POLR3GL: variants seen among roughly 807,000 people sequenced by gnomAD.
The protein encoded by POLR3GL is RNA polymerase III subunit GL.
In POLR3GL, 26 loss-of-function variants were observed where a neutral mutation model predicts 32.4. That is an observed-to-expected ratio of 0.80 (90% CI 0.59 to 1.11). POLR3GL has a LOEUF of 1.11. POLR3GL is among the 50% of genes most tolerant of loss of function. POLR3GL has a pLI of 0.00. For synonymous variants in POLR3GL, 95 were observed against 98.7 expected, an observed-to-expected ratio of 0.96 and a Z score of 0.22; for missense variants, 229 against 280.1, an observed-to-expected ratio of 0.82 and a Z score of 1.30.
intron 2 of POLR3GL, 62 bp from the exon 3 acceptor site, chr1:145,975,245 G>C (rs782063724): frequency 2.3e-4 from 365 of 1,580,720 alleles, no homozygotes; most frequent in Non-Finnish European, 3.0e-4. Context: ...TGGGAGGAGG[G>C]GTCTTCCTAA....
In POLR3GL at chr1:145,974,818, T is replaced by A; in HGVS notation, c.-41-7T>A. 1 of 1,458,680 alleles carries A rather than the reference T, an allele frequency of 6.9e-7. No individual in the cohort carries two copies. The allele number at this position is 1,458,680 out of a possible 1,614,324, so 90.4% of individuals were successfully genotyped here. A position where few individuals can be genotyped will look rare whatever the true frequency, so the allele number is the denominator to read the frequency against. The stretch of plus-strand genomic sequence containing the variant: ...TTTCTTTTTCTCTTTGTTTTTGTCT[T>A]TATTAGGTTTATTCACTGGATCTCT... On this transcript the variant is annotated splice_region_variant and splice_polypyrimidine_tract_variant and intron_variant, in intron 1 of 7. Coordinates refer to ENST00000369314, the MANE Select transcript of POLR3GL (RefSeq NM_032305.3).
At chr1:145,965,703 CTT>C (rs1356241684) in intron 1 of POLR3GL, among the ~76,000 whole-genome samples, 1 of 152,192 alleles carries the variant, frequency 6.6e-6, no homozygotes, top group Non-Finnish European at 1.5e-5. Flanking sequence ...AGGGAACTCT[CTT>C]ATCTCTCTTG....
chr1:145,976,497 A>C (rs1650559313), intron 3 of POLR3GL, among the ~76,000 whole-genome samples: 1 of 151,830 alleles, frequency 6.6e-6, no homozygotes, highest in African/African-American at 2.4e-5. Context: ...GAATTGCTTG[A>C]ACTTGGGAGG....
chr1:145,968,114 A>G (rs2101928800), intron 1 of POLR3GL, among the ~76,000 whole-genome samples: 1 of 152,312 alleles, frequency 6.6e-6, no homozygotes, highest in South Asian at 2.1e-4. Flanking sequence ...ATTGGGAATG[A>G]GCATAGTGTA....
At chr1:145,971,759 G>A (rs1650309122) in intron 1 of POLR3GL, among the ~76,000 whole-genome samples, 1 of 151,570 alleles carries the variant, frequency 6.6e-6, no homozygotes, top group African/African-American at 2.4e-5. Flanking sequence ...GAGATCAGGA[G>A]TTCAAGACCA....
chr1:145,971,656 C>A (rs781970766), intron 1 of POLR3GL, among the ~76,000 whole-genome samples: 1 of 151,966 alleles, frequency 6.6e-6, no homozygotes, highest in Admixed American at 6.6e-5. Flanking sequence ...TAAAGATATT[C>A]CTCCTGATTT....
chr1:145,968,753 A>G (rs1476044310), intron 1 of POLR3GL, among the ~76,000 whole-genome samples: 2 of 151,690 alleles, frequency 1.3e-5, no homozygotes, highest in East Asian at 1.9e-4. Context: ...TTGTATTTTT[A>G]GTAGAGACGG....
At position 145,977,503 on chromosome 1, in the gene POLR3GL, G is replaced by T; in HGVS notation, c.346G>T (p.Glu116Ter). Residue 116 changes from glutamate (E) to a stop codon, truncating the protein, a stop_gained, in exon 5 of 8, where the codon GAG (glutamate) becomes TAG (stop). Transcript: ENST00000369314. LOFTEE classifies it high-confidence loss of function. ...CCCAGATTGGCGGCGTCTACCCCGG[G>T]AGCTAAAGATCCGAGTGCGGAAGCT... ...WNPDWRRLPR[E>*]LKIRVRKLQK... The T allele has an allele frequency of 6.2e-7, 1 of 1,614,118 alleles. No homozygotes were observed. Among genetic ancestry groups the T allele is most frequent in the Non-Finnish European group, 8.5e-7 (1 of 1,180,010 alleles).
chr1:145,975,080 A>G (rs1373013890), intron 2 of POLR3GL, 89 bp downstream of exon 2: 27 of 1,457,456 alleles, frequency 1.9e-5, no homozygotes, highest in Non-Finnish European at 2.4e-5. Flanking sequence ...TCATAAAACC[A>G]TCCTCGCTTT....
chr1:145,966,071 G>T (rs1460138937), intron 1 of POLR3GL, among the ~76,000 whole-genome samples: 3 of 127,756 alleles, frequency 2.3e-5, no homozygotes, highest in South Asian at 5.0e-4. Context: ...AGCTCAGATC[G>T]CACCATTGCA....
chr1:145,977,376 C>A, intron 4 of POLR3GL, 107 bp from the exon 5 acceptor site: 2 of 1,163,322 alleles, frequency 1.7e-6, no homozygotes, highest in East Asian at 2.4e-5. Context: ...TGGCCCAGCC[C>A]CTTCCTTCCT....
intron 3 of POLR3GL, 31 bp from the exon 4 acceptor site, chr1:145,977,053 G>A (rs1553763503): frequency 1.3e-6 from 2 of 1,580,092 alleles, no homozygotes; most frequent in South Asian, 1.1e-5. Flanking sequence ...GGTCTCTGAA[G>A]GGATAAAACT....
In POLR3GL at chr1:145,978,640, A is replaced by G. The variant is rs1650676492; in HGVS notation, c.*193A>G. 1 of 594,174 alleles carries G rather than the reference A, an allele frequency of 1.7e-6. No homozygotes were observed. Among genetic ancestry groups the G allele is most frequent in the African/African-American group, 1.9e-5 (1 of 53,520 alleles). 36.8% of individuals were successfully genotyped at this position (594,174 alleles called of 1,614,324 possible). On this transcript the variant is annotated 3_prime_UTR_variant, in exon 8 of 8. Transcript: ENST00000369314. ...CTTCCACATTTGTATCACCTTTGCT[A>G]TCTTGGGGAAAGTGCAAAGGACAAA...
intron 2 of POLR3GL, 47 bp from the exon 3 acceptor site, chr1:145,975,260 G>C (rs1265913205): frequency 6.3e-7 from 1 of 1,591,058 alleles, no homozygotes; most frequent in Non-Finnish European, 8.6e-7. Context: ...TCCTAAATTT[G>C]TACTAGCATT....
intron 7 of POLR3GL, 67 bp from the exon 8 acceptor site, chr1:145,978,294 G>C: frequency 7.4e-7 from 1 of 1,350,928 alleles, no homozygotes; most frequent in Admixed American, 1.7e-5. Flanking sequence ...TGAGAGGAAA[G>C]GGGTCTGGTA....
chr1:145,965,233 G>C (rs1649965538), intron 1 of POLR3GL, among the ~76,000 whole-genome samples: 1 of 152,174 alleles, frequency 6.6e-6, no homozygotes, highest in South Asian at 2.1e-4. Context: ...AGAAGGTTTT[G>C]TAGGACAGGT....
chr1:145,976,107 T>C (rs587643379), intron 3 of POLR3GL, among the ~76,000 whole-genome samples: 11 of 152,122 alleles, frequency 7.2e-5, no homozygotes, highest in African/African-American at 2.4e-4. Flanking sequence ...AAACCCTGTC[T>C]CTACTAAAAA....
At chr1:145,978,125 C>T in intron 7 of POLR3GL, 29 bp downstream of exon 7, 2 of 1,573,450 alleles carry the variant, frequency 1.3e-6, no homozygotes, top group Non-Finnish European at 1.7e-6. Context: ...ACCTTAGTCC[C>T]CCTCCCTTTA....
In POLR3GL at chr1:145,977,124, G is replaced by A. The variant is rs781957576; in HGVS notation, c.297G>A (p.Pro99=). Residue 99 remains proline (P), a synonymous_variant, in exon 4 of 8, where the codon CCG becomes CCA. Coordinates refer to ENST00000369314, the MANE Select transcript of POLR3GL (RefSeq NM_032305.3). The part of the protein sequence containing the change: ...RYSDKYQMSG[P]IDNAIDWNPD... Reference sequence around the variant, plus strand: ...CAGACAAATATCAGATGTCAGGTCCGATTGACAATGCCATCGATTGGAACC... The same window carrying A: ...CAGACAAATATCAGATGTCAGGTCCAATTGACAATGCCATCGATTGGAACC... The A allele has an allele frequency of 7.1e-5, 114 of 1,613,740 alleles. 1 individual carries two copies. The South Asian group carries it at 1.1e-3, about 15-fold the overall frequency.
Sources: gnomAD v4.1 joint callset for allele counts (sites outside exome capture counted in the v4.1 genomes callset) on GRCh38, gnomAD v4.1.1 for gene constraint, MANE v1.5 for transcripts, NCBI Gene and HGNC (gene_info 2026-07-23, HGNC 2026-07-21) for gene names.